CDH13: variants seen among roughly 807,000 people sequenced by gnomAD.
CDH13 encodes cadherin 13.
CDH13 carries 24 observed loss-of-function variants against 63.8 expected under a neutral mutation model. The ratio of observed to expected loss-of-function variants is 0.38; its 90% CI spans 0.27 to 0.53. The LOEUF is 0.53. CDH13 is among the 20% of genes least tolerant of loss of function. The probability of loss-of-function intolerance (pLI) is 0.85; values close to 1 mark genes in which losing one functional copy is unlikely to be tolerated. For synonymous variants in CDH13, 503 were observed against 355.3 expected, an observed-to-expected ratio of 1.42 and a Z score of -4.67; for missense variants, 1,049 against 903.1, an observed-to-expected ratio of 1.16 and a Z score of -2.07.
intron 5 of CDH13, among the ~76,000 whole-genome samples, chr16:83,235,557 C>A: frequency 6.8e-6 from 1 of 147,292 alleles, no homozygotes. Context: ...TTTGCCAATG[C>A]TCATTTTTTA....
chr16:82,650,945 G>C (rs760419509), intron 1 of CDH13, among the ~76,000 whole-genome samples: 14 of 152,204 alleles, frequency 9.2e-5, no homozygotes, highest in African/African-American at 3.4e-4. Flanking sequence ...TTTGAAATTT[G>C]CTGGGCTAGA....
intron 10 of CDH13, among the ~76,000 whole-genome samples, chr16:83,707,238 T>C (rs1387790364): frequency 6.6e-6 from 1 of 152,202 alleles, no homozygotes; most frequent in Non-Finnish European, 1.5e-5. Flanking sequence ...TGTTGGTCTT[T>C]CTAGGTCAGT....
At chr16:83,128,692 A>G (rs535784160) in intron 4 of CDH13, among the ~76,000 whole-genome samples, 46 of 152,328 alleles carry the variant, frequency 3.0e-4, no homozygotes, top group African/African-American at 1.0e-3. Context: ...GAATTTTCTC[A>G]CAAGCCTCTT....
rs11349889 is a variant in CDH13, at chr16:83,799,299, C to CAAAAAAAAAA, written c.*4281_*4290dup. 2.7e-5 allele frequency: 3 copies of CAAAAAAAAAA among 110,186 alleles called. No homozygotes were observed. Among genetic ancestry groups the CAAAAAAAAAA allele is most frequent in the Non-Finnish European group, 5.6e-5 (3 of 53,760 alleles). The allele number at this position is 110,186 out of a possible 1,614,324, so 6.8% of individuals were successfully genotyped here. A position where few individuals can be genotyped will look rare whatever the true frequency, so the allele number is the denominator to read the frequency against. ...CCTGGGCAACAGAGCAAGACTCCGT[C>CAAAAAAAAAA]AAAAAAAAAAAAAAAAAAAAAGAAA... On this transcript the variant is annotated 3_prime_UTR_variant, in exon 14 of 14. Transcript: ENST00000567109.
At chr16:83,479,390 G>A (rs1224380552) in intron 6 of CDH13, among the ~76,000 whole-genome samples, 1 of 152,132 alleles carries the variant, frequency 6.6e-6, no homozygotes, top group East Asian at 1.9e-4. Context: ...TTCTCAGCTG[G>A]GCGCGGTGGT....
At chr16:83,031,241 A>ATGCGCATGTATACACCATATG (rs1916288323) in intron 2 of CDH13, among the ~76,000 whole-genome samples, 1 of 146,312 alleles carries the variant, frequency 6.8e-6, no homozygotes, top group African/African-American at 2.5e-5. Context: ...TACACCATAT[A>ATGCGCATGTATACACCATATG]CATGCGCATG....
chr16:82,788,417 A>C (rs568458694), intron 1 of CDH13, among the ~76,000 whole-genome samples: 2 of 152,246 alleles, frequency 1.3e-5, no homozygotes, highest in Non-Finnish European at 2.9e-5. Flanking sequence ...CGTGACTCTT[A>C]ACAGGTATCA....
intron 5 of CDH13, among the ~76,000 whole-genome samples, chr16:83,245,453 G>C (rs13339290): frequency 0.15 from 22,357 of 152,208 alleles, 1,697 homozygotes; most frequent in Middle Eastern, 0.2. Context: ...TTTGATCACA[G>C]AAGCTAAGGA....
chr16:82,730,316 T>C (rs977726423), intron 1 of CDH13, among the ~76,000 whole-genome samples: 4 of 152,212 alleles, frequency 2.6e-5, no homozygotes, highest in African/African-American at 9.7e-5. Flanking sequence ...ATGCAACTCT[T>C]CCTTTTCCTT....
chr16:83,285,105 C>G (rs2089276297), intron 5 of CDH13, among the ~76,000 whole-genome samples: 1 of 152,150 alleles, frequency 6.6e-6, no homozygotes, highest in African/African-American at 2.4e-5. Flanking sequence ...TTTTAACCTT[C>G]AGAAGTACAT....
chr16:83,134,066 A>C (rs1168880154), intron 4 of CDH13, among the ~76,000 whole-genome samples: 3 of 152,250 alleles, frequency 2.0e-5, no homozygotes, highest in African/African-American at 7.2e-5. Flanking sequence ...GAATGGAATT[A>C]ATAGACCATT....
chr16:83,232,011 A>C lies in CDH13; in HGVS notation c.636+14514A>C, dbSNP rs190006953. On this transcript the variant is annotated intron_variant, in intron 5 of 13. Transcript: ENST00000567109. Reference sequence around the variant, plus strand: ...ATGTTCTAACTTATAAGTGGGAGCTAAACAATGAGAACACATGGACACAAG... The same window carrying C: ...ATGTTCTAACTTATAAGTGGGAGCTCAACAATGAGAACACATGGACACAAG... Among the ~76,000 whole-genome samples, 12 of 151,812 alleles carry C rather than the reference A, an allele frequency of 7.9e-5. No homozygotes were observed. In the East Asian group the frequency reaches 2.1e-3, roughly 27 times the overall value.
intron 11 of CDH13, among the ~76,000 whole-genome samples, chr16:83,761,052 T>G (rs1913927158): frequency 6.6e-6 from 1 of 152,198 alleles, no homozygotes; most frequent in South Asian, 2.1e-4. Flanking sequence ...TACACACAGC[T>G]CAACATACTC....
At chr16:83,297,562 C>G (rs747454947) in intron 5 of CDH13, among the ~76,000 whole-genome samples, 2 of 151,942 alleles carry the variant, frequency 1.3e-5, no homozygotes, top group African/African-American at 4.8e-5. Flanking sequence ...TTTTGAATGC[C>G]TCTTTCATGT....
intron 2 of CDH13, among the ~76,000 whole-genome samples, chr16:82,915,513 T>G (rs1464252551): frequency 6.6e-6 from 1 of 152,118 alleles, no homozygotes; most frequent in East Asian, 1.9e-4. Context: ...TAGCCTCTGC[T>G]GAAATACAGG....
chr16:83,476,360 C>T (rs762218102), intron 6 of CDH13, among the ~76,000 whole-genome samples: 1 of 152,144 alleles, frequency 6.6e-6, no homozygotes, highest in South Asian at 2.1e-4. Flanking sequence ...GTAAAAAGGA[C>T]TAGGCTTGCC....
At chr16:82,818,888 T>C (rs2037859741) in intron 1 of CDH13, among the ~76,000 whole-genome samples, 1 of 152,190 alleles carries the variant, frequency 6.6e-6, no homozygotes, top group East Asian at 1.9e-4. Flanking sequence ...TGGCTAACGG[T>C]AAAATGAGTT....
At chr16:82,796,595 T>C (rs979270198) in intron 1 of CDH13, among the ~76,000 whole-genome samples, 2 of 152,218 alleles carry the variant, frequency 1.3e-5, no homozygotes, top group Admixed American at 1.3e-4. Flanking sequence ...TCAGATCCAT[T>C]CATGATACTT....
At chr16:83,726,547 C>T (rs1188525850) in intron 10 of CDH13, among the ~76,000 whole-genome samples, 2 of 152,122 alleles carry the variant, frequency 1.3e-5, no homozygotes, top group Admixed American at 6.5e-5. Context: ...ATCAAAACAT[C>T]ACTGTTGGCT....
Sources: gnomAD v4.1 joint callset for allele counts (sites outside exome capture counted in the v4.1 genomes callset) on GRCh38, gnomAD v4.1.1 for gene constraint, MANE v1.5 for transcripts, NCBI Gene and HGNC (gene_info 2026-07-23, HGNC 2026-07-21) for gene names.